The following PRSS37 variants were observed in gnomAD, a reference collection of about 807,000 sequenced individuals.
PRSS37 encodes probable inactive serine protease 37.
PRSS37 carries 25 observed loss-of-function variants against 28.0 expected under a neutral mutation model. That is an observed-to-expected ratio of 0.89 (90% CI 0.65 to 1.25). The LOEUF (loss-of-function observed/expected upper bound fraction) is 1.25, where lower values mean the gene tolerates loss of function less well. Ranked by LOEUF, PRSS37 falls within the 50% of genes most tolerant of loss-of-function variation. The probability of loss-of-function intolerance (pLI) is 0.00; values close to 1 mark genes in which losing one functional copy is unlikely to be tolerated. For synonymous variants in PRSS37, 109 were observed against 107.8 expected (o/e 1.01, Z -0.07); for missense variants, 282 against 292.2 (o/e 0.97, Z 0.25).
Position 141,836,313 on chromosome 7 carries a change from AT to A in PRSS37, c.*81del. ...TACATTCCCAAATTTTCATTTGGAGATTTTATTTTGAATAGAGGGAAAATTA... is the reference window on the plus strand; with the variant it reads ...TACATTCCCAAATTTTCATTTGGAGATTTATTTTGAATAGAGGGAAAATTA... On this transcript the variant is annotated 3_prime_UTR_variant, in exon 5 of 5. Coordinates refer to ENST00000350549, the MANE Select transcript of PRSS37 (RefSeq NM_001008270.3). The A allele has an allele frequency of 4.1e-6, 6 of 1,468,324 alleles. No individual in the cohort carries two copies. Among genetic ancestry groups the A allele is most frequent in the Non-Finnish European group, 4.6e-6 (5 of 1,075,970 alleles). The allele number at this position is 1,468,324 out of a possible 1,614,324, so 91.0% of individuals were successfully genotyped here. A position where few individuals can be genotyped will look rare whatever the true frequency, so the allele number is the denominator to read the frequency against.
intron 2 of PRSS37, chr7:141,838,333 G>T: frequency 7.1e-7 from 1 of 1,406,520 alleles, no homozygotes; most frequent in Non-Finnish European, 9.2e-7. Flanking sequence ...ATAGTAAGTA[G>T]TGGAGCCCTT....
chr7:141,839,308 T>G, intron 2 of PRSS37, 30 bp downstream of exon 2: 1 of 1,611,678 alleles, frequency 6.2e-7, no homozygotes, highest in South Asian at 1.1e-5. Flanking sequence ...CAGTAGCTGT[T>G]TTGGGGATGG....
At position 141,837,114 on chromosome 7, in the gene PRSS37, C is replaced by A. The variant is rs1405113437; in HGVS notation, c.565G>T (p.Gly189Trp). ...KFVKVFSRIFGEVAVATVICK... is the reference protein window; with the variant it reads ...KFVKVFSRIFWEVAVATVICK... ...GCTGAATATAGAGATAAGATTACCC[C>A]AAAAATTCGGCTGAATACTTTCACA... Residue 189 changes from glycine (G) to tryptophan (W), a missense_variant and splice_region_variant, in exon 4 of 5, where the codon GGG becomes TGG. By Grantham distance (184) the Gly-to-Trp change is radical. Coordinates refer to ENST00000350549, the MANE Select transcript of PRSS37 (RefSeq NM_001008270.3). 1 of 1,612,250 alleles carries A rather than the reference C, an allele frequency of 6.2e-7. No individual in the cohort carries two copies. The highest frequency in any genetic ancestry group is 1.1e-5 in the South Asian group (1 of 90,490).
chr7:141,839,321 A>G lies in PRSS37; in HGVS notation c.176+17T>C. On this transcript the variant is annotated intron_variant, in intron 2 of 4. Transcript: ENST00000350549. ...AACAGTAGCTGTTTTGGGGATGGGGATGCCCAAATACTCAACGGTAAATAG... is the reference window on the plus strand; with the variant it reads ...AACAGTAGCTGTTTTGGGGATGGGGGTGCCCAAATACTCAACGGTAAATAG... The G allele has an allele frequency of 6.2e-7, 1 of 1,612,810 alleles. No homozygotes were observed. Among genetic ancestry groups the G allele is most frequent in the Non-Finnish European group, 8.5e-7 (1 of 1,179,452 alleles).
chr7:141,838,197 G>C (rs753525868), intron 2 of PRSS37, 84 bp from the exon 3 acceptor site: 1 of 1,572,982 alleles, frequency 6.4e-7, no homozygotes, highest in Non-Finnish European at 8.7e-7. Context: ...GCCAGGAACT[G>C]TACCAAGTGC....
At chr7:141,836,578 A>C in intron 4 of PRSS37, 43 bp from the exon 5 acceptor site, 1 of 1,607,054 alleles carries the variant, frequency 6.2e-7, no homozygotes, top group South Asian at 1.1e-5. Context: ...AGAGAGTAAG[A>C]GTGTCAGATC....
At chr7:141,837,340 T>G in intron 3 of PRSS37, 92 bp from the exon 4 acceptor site, 1 of 1,422,980 alleles carries the variant, frequency 7.0e-7, no homozygotes, top group Non-Finnish European at 9.5e-7. Flanking sequence ...TGGTATCTTT[T>G]TGTGTGTGTT....
chr7:141,839,354 C>G lies in PRSS37; in HGVS notation c.160G>C (p.Ala54Pro). 6.2e-6 allele frequency: 10 copies of G among 1,613,760 alleles called. No homozygotes were observed. The highest frequency in any genetic ancestry group is 7.6e-6 in the Non-Finnish European group (9 of 1,179,800). ...LIKPSWVLAP[A>P]HCYLPNLKVM... is the part of the protein sequence containing the mutation. ...ATACTCAACGGTAAATAGCAGTGAG[C>G]TGGGGCCAGCACCCAGCTGGGTTTG... The change falls in exon 2 of 5, where the codon GCT (alanine) becomes CCT (proline). Residue 54 changes from alanine (A) to proline (P), a missense_variant. Transcript: ENST00000350549.
chr7:141,837,374 A>G, intron 3 of PRSS37, 126 bp from the exon 4 acceptor site: 1 of 1,226,026 alleles, frequency 8.2e-7, no homozygotes, highest in Non-Finnish European at 1.1e-6. Context: ...GAATGCGACA[A>G]AGGAGAGAAA....
chr7:141,840,084 C>T (rs1370095903), intron 1 of PRSS37, among the ~76,000 whole-genome samples: 1 of 151,786 alleles, frequency 6.6e-6, no homozygotes, highest in Non-Finnish European at 1.5e-5. Flanking sequence ...TGTCTAAAAA[C>T]AAATAAATAA....
intron 2 of PRSS37, chr7:141,838,918 T>G: frequency 2.2e-6 from 1 of 447,816 alleles, no homozygotes; most frequent in South Asian, 1.6e-5. Context: ...TTGCAATTGG[T>G]TCCTTCTTAA....
chr7:141,838,030 C>G lies in PRSS37; in HGVS notation c.260G>C (p.Arg87Pro), dbSNP rs748875922. 6 of 1,613,970 alleles carry G rather than the reference C, an allele frequency of 3.7e-6. No individual in the cohort carries two copies. Among genetic ancestry groups the G allele is most frequent in the Non-Finnish European group, 4.2e-6 (5 of 1,180,000 alleles). Residue 87 changes from arginine to proline, a missense_variant, in exon 3 of 5, where the codon CGC becomes CCC. Transcript: ENST00000350549. ...EQTINPIQIV[R>P]YWNYSHSAPQ... ...GGCGCTATGACTGTAGTTCCAGTAG[C>G]GGACGATCTGAATGGGGTTAATTGT...
intron 3 of PRSS37, 174 bp downstream of exon 3, chr7:141,837,686 A>G: frequency 1.3e-6 from 2 of 1,533,362 alleles, no homozygotes; most frequent in South Asian, 2.4e-5. Context: ...ACCCTGGGAA[A>G]GGAGGAGCTT....
At position 141,841,294 on chromosome 7, in the gene PRSS37, G is replaced by C; in HGVS notation, c.-245C>G. On this transcript the variant is annotated 5_prime_UTR_variant, in exon 1 of 5. Transcript: ENST00000350549. Reference sequence around the variant, plus strand: ...CTGTGCCTCTGTTGGGGCATTTCAGGGAAGGAAACTCCTGGATTCAGCTCC... The same window carrying C: ...CTGTGCCTCTGTTGGGGCATTTCAGCGAAGGAAACTCCTGGATTCAGCTCC... The C allele has an allele frequency of 1.4e-6, 1 of 694,850 alleles. No homozygotes were observed. The highest frequency in any genetic ancestry group is 2.2e-6 in the Non-Finnish European group (1 of 458,272). 43.0% of individuals were successfully genotyped at this position (694,850 alleles called of 1,614,324 possible).
chr7:141,840,686 G>A (rs368612209), intron 1 of PRSS37, among the ~76,000 whole-genome samples: 56 of 152,242 alleles, frequency 3.7e-4, no homozygotes, highest in African/African-American at 1.2e-3. Flanking sequence ...AACCCCATGT[G>A]GGGCAAGGAC....
chr7:141,837,524 C>T, intron 3 of PRSS37: 8 of 1,437,596 alleles, frequency 5.6e-6, no homozygotes, highest in Non-Finnish European at 7.5e-6. Flanking sequence ...GTGTCCTTTA[C>T]ATGTGAAATG....
intron 2 of PRSS37, chr7:141,839,076 C>A (rs1369485845): frequency 6.5e-6 from 4 of 618,088 alleles, no homozygotes; most frequent in Non-Finnish European, 8.9e-6. Flanking sequence ...CACAGGGTTC[C>A]TCAACAGTGG....
At position 141,839,359 on chromosome 7, in the gene PRSS37, G is replaced by C; in HGVS notation, c.155C>G (p.Ala52Gly). Reference protein sequence around the residue: ...GVLIKPSWVLAPAHCYLPNLK... With the variant: ...GVLIKPSWVLGPAHCYLPNLK... ...CAACGGTAAATAGCAGTGAGCTGGGGCCAGCACCCAGCTGGGTTTGATGAG... is the reference window on the plus strand; with the variant it reads ...CAACGGTAAATAGCAGTGAGCTGGGCCCAGCACCCAGCTGGGTTTGATGAG... Residue 52 changes from alanine (A) to glycine (G), a missense_variant, in exon 2 of 5, where the codon GCC becomes GGC. By Grantham distance (60) the Ala-to-Gly change is moderately conservative. Transcript: ENST00000350549. 1 of 1,613,830 alleles carries C rather than the reference G, an allele frequency of 6.2e-7. No homozygotes were observed.
intron 1 of PRSS37, among the ~76,000 whole-genome samples, chr7:141,840,398 T>G (rs1291276484): frequency 1.3e-5 from 2 of 152,182 alleles, no homozygotes; most frequent in South Asian, 2.1e-4. Context: ...TTCTGTGTGA[T>G]CACACAGTTA....
Sources: allele counts gnomAD v4.1 joint callset (sites outside exome capture counted in the v4.1 genomes callset), GRCh38; gene constraint gnomAD v4.1.1; transcripts MANE v1.5; gene names NCBI Gene and HGNC (gene_info 2026-07-23, HGNC 2026-07-21).